The following ANK1 variants were observed in gnomAD, a reference collection of about 807,000 sequenced individuals.
ANK1 encodes the protein ankyrin 1.
ANK1 carries 51 observed loss-of-function variants against 210.4 expected under a neutral mutation model. The ratio of observed to expected loss-of-function variants is 0.24; its 90% CI spans 0.19 to 0.31. The LOEUF is 0.31. Ranked by LOEUF, ANK1 falls within the 10% of genes least tolerant of loss-of-function variation. The pLI is 1.00. For missense variants in ANK1, 2,051 were observed against 2,504.4 expected, an observed-to-expected ratio of 0.82 and a Z score of 3.86; for synonymous variants, 967 against 1,025.9, an observed-to-expected ratio of 0.94 and a Z score of 1.10.
At chr8:41,763,301 C>T (rs1391341142) in intron 1 of ANK1, among the ~76,000 whole-genome samples, 3 of 151,824 alleles carry the variant, frequency 2.0e-5, no homozygotes, top group Non-Finnish European at 4.4e-5. Flanking sequence ...AAAGCTAAAC[C>T]ATTTCTGTTG....
intron 17 of ANK1, among the ~76,000 whole-genome samples, chr8:41,708,398 C>T (rs1170418935): frequency 6.6e-6 from 1 of 152,164 alleles, no homozygotes. Flanking sequence ...TTAAAAATAT[C>T]TTTCCCCCAC....
intron 12 of ANK1, 130 bp downstream of exon 12, chr8:41,717,474 C>A: frequency 2.3e-6 from 2 of 875,504 alleles, no homozygotes; most frequent in Non-Finnish European, 1.8e-6. Context: ...TGTCCTCCCC[C>A]AGTCTGAAGC....
chr8:41,842,669 C>A (rs1289729742), intron 1 of ANK1, among the ~76,000 whole-genome samples: 2 of 152,128 alleles, frequency 1.3e-5, no homozygotes, highest in African/African-American at 4.8e-5. Flanking sequence ...CATATTAGTG[C>A]AGATGTGGAG....
At position 41,721,656 on chromosome 8, in the gene ANK1, C is replaced by CAAAAAA. The variant is rs55653901; in HGVS notation, c.909+1463_909+1468dup. Among the ~76,000 whole-genome samples the CAAAAAA allele has an allele frequency of 8.8e-4, 95 of 108,108 alleles. 1 individual carries two copies. The highest frequency in any genetic ancestry group is 1.4e-3 in the Non-Finnish European group (76 of 53,938). The allele number at this position is 108,108 out of a possible 152,430, so 70.9% of individuals were successfully genotyped here. On this transcript the variant is annotated intron_variant, in intron 9 of 42. Transcript: ENST00000289734. ...TGGGTGACTGAGTGAGACTTCATCT[C>CAAAAAA]AAAAAAAAAAAAAAAAAAAAAAAAA... is the stretch of plus-strand genomic sequence containing the variant.
In ANK1 at chr8:41,696,386, C is replaced by T. The variant is rs1820945255; in HGVS notation, c.2937G>A (p.Gly979=). 6.2e-7 allele frequency: 1 copy of T among 1,613,326 alleles called. No individual in the cohort carries two copies. The highest frequency in any genetic ancestry group is 8.5e-7 in the Non-Finnish European group (1 of 1,179,948). ...ACCTCAGGAACTGTGCCCCCGTGGGCCCCAGTGCTATGATCCTGCTGGCCA... is the reference window on the plus strand; with the variant it reads ...ACCTCAGGAACTGTGCCCCCGTGGGTCCCAGTGCTATGATCCTGCTGGCCA... ...EGLASRIIAL[G]PTGAQFLSPV... is the part of the protein sequence containing the mutation. The change falls in exon 26 of 43, where the codon GGG becomes GGA. Residue 979 remains glycine (G), a synonymous_variant. Transcript: ENST00000289734.
chr8:41,853,418 G>C (rs112295756), intron 1 of ANK1, among the ~76,000 whole-genome samples: 1,841 of 152,328 alleles, frequency 0.012, 25 homozygotes, highest in Non-Finnish European at 0.02. Flanking sequence ...GCTCTGACAA[G>C]ATCAATGAAA....
At chr8:41,795,330 T>C (rs1042179786) in intron 1 of ANK1, among the ~76,000 whole-genome samples, 10 of 151,832 alleles carry the variant, frequency 6.6e-5, no homozygotes, top group African/African-American at 1.9e-4. Context: ...CTGGCCAACA[T>C]GGTGAGACTG....
chr8:41,655,990 C>A (rs1464563782), intron 42 of ANK1, among the ~76,000 whole-genome samples: 9 of 152,238 alleles, frequency 5.9e-5, no homozygotes, highest in African/African-American at 2.2e-4. Context: ...GCCACCCAGG[C>A]CTCATGAATT....
intron 1 of ANK1, among the ~76,000 whole-genome samples, chr8:41,831,598 A>G (rs1806628374): frequency 6.6e-6 from 1 of 150,994 alleles, no homozygotes; most frequent in Non-Finnish European, 1.5e-5. Flanking sequence ...CAAGTGAGCC[A>G]AGATTGCGCC....
intron 2 of ANK1, among the ~76,000 whole-genome samples, chr8:41,755,063 G>T (rs1302661923): frequency 6.6e-6 from 1 of 152,250 alleles, no homozygotes; most frequent in Non-Finnish European, 1.5e-5. Flanking sequence ...GAGAGGCCAG[G>T]CTTAGCCAGG....
intron 37 of ANK1, among the ~76,000 whole-genome samples, chr8:41,673,485 T>A (rs539999): frequency 6.6e-6 from 1 of 151,962 alleles, no homozygotes; most frequent in African/African-American, 2.4e-5. Flanking sequence ...GGTGGTCAAA[T>A]GGGAAACAAC....
intron 1 of ANK1, among the ~76,000 whole-genome samples, chr8:41,849,487 G>A (rs1810769272): frequency 6.6e-6 from 1 of 151,584 alleles, no homozygotes. Context: ...TCACACCATT[G>A]TACTCCAGCC....
chr8:41,730,367 G>A (rs1329969757), intron 3 of ANK1, among the ~76,000 whole-genome samples: 3 of 152,242 alleles, frequency 2.0e-5, no homozygotes, highest in African/African-American at 7.2e-5. Flanking sequence ...CACTTTGGGA[G>A]GCCAAGGCGG....
chr8:41,710,498 C>T (rs571717667), intron 16 of ANK1, among the ~76,000 whole-genome samples: 19 of 152,188 alleles, frequency 1.2e-4, no homozygotes, highest in South Asian at 2.1e-4. Context: ...GATTCAGAGG[C>T]GCTAGGGAGG....
chr8:41,742,241 T>A (rs1172135946), intron 2 of ANK1, among the ~76,000 whole-genome samples: 3 of 152,198 alleles, frequency 2.0e-5, no homozygotes, highest in African/African-American at 7.2e-5. Context: ...ATTGCCCCAG[T>A]TGCACTAATT....
Position 41,803,078 on chromosome 8 carries a change from A to AGGAAGGAAGGAAG in ANK1, c.127-44942_127-44941insCTTCCTTCCTTCC, listed in dbSNP as rs1554630992. 8.4e-3 allele frequency among the ~76,000 whole-genome samples: 626 copies of AGGAAGGAAGGAAG among 74,932 alleles called. 26 individuals are homozygous for AGGAAGGAAGGAAG. Among genetic ancestry groups the AGGAAGGAAGGAAG allele is most frequent in the African/African-American group, 0.028 (485 of 17,576 alleles). 49.2% of individuals were successfully genotyped at this position (74,932 alleles called of 152,430 possible). ...AAGAGAGAAAGGAAGGAAGGAAGGA[A>AGGAAGGAAGGAAG]GGAAGGGAAGGAAAGGAAAGGAAAG... On this transcript the variant is annotated intron_variant, in intron 1 of 42. Coordinates refer to the ANK1 transcript ENST00000265709.
rs1279281461 is a variant in ANK1, at chr8:41,655,730, G to T, written c.*60C>A. 3.1e-6 allele frequency: 5 copies of T among 1,614,120 alleles called. No individual in the cohort carries two copies. Among genetic ancestry groups the T allele is most frequent in the Non-Finnish European group, 4.2e-6 (5 of 1,180,004 alleles). Reference sequence around the variant, plus strand: ...TGCATGGCAGAGTGTGTGGGGTTCAGGGGTTGGGTGTCGAGGTGTGATCCT... The same window carrying T: ...TGCATGGCAGAGTGTGTGGGGTTCATGGGTTGGGTGTCGAGGTGTGATCCT... On this transcript the variant is annotated 3_prime_UTR_variant, in exon 43 of 43. Transcript: ENST00000289734.
Position 41,887,673 on chromosome 8 carries a change from A to G in ANK1, c.126+8682T>C, listed in dbSNP as rs140791127. 4.5e-4 allele frequency among the ~76,000 whole-genome samples: 68 copies of G among 152,352 alleles called. 3 individuals are homozygous for G. In the South Asian group the frequency reaches 0.014, roughly 31 times the overall value. The stretch of plus-strand genomic sequence containing the variant: ...ACATAGTGTGTATTTCTCTGATGAC[A>G]TGTTACTTGGCTACTCTGGCCCTGA... On this transcript the variant is annotated intron_variant, in intron 1 of 42. Transcript: ENST00000265709.
chr8:41,880,519 G>C (rs1271864804), intron 1 of ANK1, among the ~76,000 whole-genome samples: 1 of 152,172 alleles, frequency 6.6e-6, no homozygotes, highest in African/African-American at 2.4e-5. Context: ...TCATTTGCAG[G>C]ATGAGTAGGT....
Sources: gnomAD v4.1 joint callset for allele counts (sites outside exome capture counted in the v4.1 genomes callset) on GRCh38, gnomAD v4.1.1 for gene constraint, MANE v1.5 for transcripts, NCBI Gene and HGNC (gene_info 2026-07-23, HGNC 2026-07-21) for gene names.